Variants in RBFOX1 observed in about 807,000 individuals in gnomAD.
RBFOX1 encodes the protein RNA binding protein fox-1 homolog 1.
A neutral mutation model predicts 57.7 loss-of-function variants in RBFOX1; 8 were observed. The observed-to-expected ratio is 0.14, with a 90% CI of 0.08 to 0.25. The LOEUF (loss-of-function observed/expected upper bound fraction) is 0.25, where lower values mean the gene tolerates loss of function less well. RBFOX1 is among the 10% of genes least tolerant of loss of function. RBFOX1 has a pLI of 1.00. For missense variants in RBFOX1, 611 were observed against 548.5 expected (o/e 1.11, Z -1.14); for synonymous variants, 326 against 222.4 (o/e 1.47, Z -4.15).
chr16:7,611,579 C>CAA lies in RBFOX1; in HGVS notation c.676+4255_676+4256dup, dbSNP rs1042522584. ...GGGTGACAAGAGCAAAACTCTGTCT[C>CAA]AAAAAAAAAAAAAAAGGCAAGTTAT... is the stretch of plus-strand genomic sequence containing the variant. On this transcript the variant is annotated intron_variant, in intron 10 of 15. Coordinates refer to ENST00000550418, the MANE Select transcript of RBFOX1 (RefSeq NM_018723.4). Among the ~76,000 whole-genome samples, 266 of 86,064 alleles carry CAA rather than the reference C, an allele frequency of 3.1e-3. 1 individual carries two copies. The highest frequency in any genetic ancestry group is 4.8e-3 in the Non-Finnish European group (201 of 42,180). The allele number at this position is 86,064 out of a possible 152,430, so 56.5% of individuals were successfully genotyped here.
chr16:6,839,640 C>G (rs1233797401), intron 3 of RBFOX1, among the ~76,000 whole-genome samples: 7 of 152,168 alleles, frequency 4.6e-5, no homozygotes, highest in African/African-American at 1.4e-4. Flanking sequence ...AGCTGTGAGA[C>G]ACACAGCCTG....
At chr16:6,023,557 G>C (rs181468620) in intron 1 of RBFOX1, among the ~76,000 whole-genome samples, 1 of 152,240 alleles carries the variant, frequency 6.6e-6, no homozygotes, top group East Asian at 1.9e-4. Flanking sequence ...CATTCCAAGA[G>C]GGAAATCGTA....
At chr16:6,698,533 C>T (rs1342580734) in intron 3 of RBFOX1, among the ~76,000 whole-genome samples, 14 of 152,150 alleles carry the variant, frequency 9.2e-5, no homozygotes, top group Non-Finnish European at 2.9e-5. Flanking sequence ...TCTTTTGTCT[C>T]TTCAAATTTT....
intron 3 of RBFOX1, among the ~76,000 whole-genome samples, chr16:6,902,359 G>T (rs12918018): frequency 0.31 from 46,637 of 151,812 alleles, 8,789 homozygotes; most frequent in African/African-American, 0.54. Flanking sequence ...ATTTCAAGTT[G>T]GTGAAACAAG....
chr16:5,473,266 C>T (rs961028203), intron 2 of RBFOX1, among the ~76,000 whole-genome samples: 2 of 151,938 alleles, frequency 1.3e-5, no homozygotes, highest in African/African-American at 4.9e-5. Context: ...CTGGGCATGG[C>T]ATATAATGAA....
intron 3 of RBFOX1, among the ~76,000 whole-genome samples, chr16:6,669,478 G>T (rs75620378): frequency 6.6e-6 from 1 of 151,862 alleles, no homozygotes; most frequent in Non-Finnish European, 1.5e-5. Flanking sequence ...TATTTTCTTT[G>T]TTTTTTTCCA....
chr16:6,721,295 T>G (rs1217959788), intron 3 of RBFOX1, among the ~76,000 whole-genome samples: 3 of 151,968 alleles, frequency 2.0e-5, no homozygotes, highest in Non-Finnish European at 4.4e-5. Flanking sequence ...CTACAAAAAT[T>G]AGCTGGGCAT....
At chr16:6,014,130 A>G (rs958267497), upstream of RBFOX1, among the ~76,000 whole-genome samples, 6 of 152,226 alleles carry the variant, frequency 3.9e-5, no homozygotes, top group African/African-American at 1.4e-4. Flanking sequence ...TTAAAAAATA[A>G]AAAGGAAATC....
intron 14 of RBFOX1, among the ~76,000 whole-genome samples, chr16:7,680,924 G>T (rs1237860248): frequency 1.3e-5 from 2 of 151,932 alleles, no homozygotes; most frequent in Non-Finnish European, 2.9e-5. Flanking sequence ...ACACTCACTT[G>T]TGCCTTGGGG....
chr16:7,542,483 A>G (rs1370810581), intron 5 of RBFOX1, among the ~76,000 whole-genome samples: 1 of 152,034 alleles, frequency 6.6e-6, no homozygotes, highest in Non-Finnish European at 1.5e-5. Context: ...AATAAATTTT[A>G]AAAACAGAGA....
intron 1 of RBFOX1, among the ~76,000 whole-genome samples, chr16:5,400,788 AC>A (rs1429979862): frequency 6.6e-6 from 1 of 151,434 alleles, no homozygotes; most frequent in East Asian, 1.9e-4. Context: ...TTTCTTCCCC[AC>A]CCCCAACAGG....
chr16:7,477,937 C>T (rs921918017), intron 4 of RBFOX1, among the ~76,000 whole-genome samples: 2 of 152,128 alleles, frequency 1.3e-5, no homozygotes, highest in African/African-American at 4.8e-5. Flanking sequence ...TTGATCTGAA[C>T]CTTTGCACTC....
rs147285274 is a variant in RBFOX1 at position 6,854,238 on chromosome 16, G to C, written c.-15-197819G>C. On this transcript the variant is annotated intron_variant, in intron 3 of 15. Coordinates refer to ENST00000550418, the MANE Select transcript of RBFOX1 (RefSeq NM_018723.4). ...CTTCACTGAGTTCCATTAACACGGA[G>C]GGACATATACCATTAGCACCATTTC... 2.3e-3 allele frequency among the ~76,000 whole-genome samples: 351 copies of C among 152,200 alleles called. 1 individual carries two copies. Among genetic ancestry groups the C allele is most frequent in the Middle Eastern group, 0.02 (6 of 294 alleles).
Position 7,683,908 on chromosome 16 carries a change from G to A in RBFOX1, c.995+7070G>A, listed in dbSNP as rs561712993. On this transcript the variant is annotated intron_variant, in intron 14 of 15. Transcript: ENST00000550418. ...CAGAAGATAGAATATCTTAGCTCATGCAGCATTTGTGGATGTGGCAATAAA... is the reference window on the plus strand; with the variant it reads ...CAGAAGATAGAATATCTTAGCTCATACAGCATTTGTGGATGTGGCAATAAA... 3.3e-5 allele frequency among the ~76,000 whole-genome samples: 5 copies of A among 152,120 alleles called. 1 individual carries two copies. In the South Asian group the frequency reaches 1.0e-3, roughly 32 times the overall value.
At chr16:5,857,188 TG>T (rs1298825082) in intron 3 of RBFOX1, among the ~76,000 whole-genome samples, 2 of 152,048 alleles carry the variant, frequency 1.3e-5, no homozygotes, top group Non-Finnish European at 2.9e-5. Context: ...GAGGGAAAGA[TG>T]GGGAACAGCT....
At chr16:6,102,109 A>C (rs138987852) in intron 1 of RBFOX1, among the ~76,000 whole-genome samples, 7 of 150,984 alleles carry the variant, frequency 4.6e-5, no homozygotes, top group African/African-American at 1.7e-4. Context: ...TTATAATTCA[A>C]GTATTCTGAA....
chr16:5,727,111 A>G (rs1041156911), intron 3 of RBFOX1, among the ~76,000 whole-genome samples: 1 of 152,092 alleles, frequency 6.6e-6, no homozygotes, highest in Non-Finnish European at 1.5e-5. Flanking sequence ...ATACAAAAAT[A>G]CAAAAATTAG....
intron 1 of RBFOX1, among the ~76,000 whole-genome samples, chr16:5,360,474 A>G (rs1404933027): frequency 6.6e-6 from 1 of 152,194 alleles, no homozygotes; most frequent in African/African-American, 2.4e-5. Context: ...TGCATCACCT[A>G]CATGCACAGG....
At chr16:7,612,088 G>T (rs575813650) in intron 10 of RBFOX1, among the ~76,000 whole-genome samples, 3 of 152,044 alleles carry the variant, frequency 2.0e-5, no homozygotes, top group African/African-American at 7.2e-5. Flanking sequence ...TTGGGAGGCC[G>T]AGGCAGGTGG....
Sources: gnomAD v4.1 joint callset for allele counts (sites outside exome capture counted in the v4.1 genomes callset) on GRCh38, gnomAD v4.1.1 for gene constraint, MANE v1.5 for transcripts, NCBI Gene and HGNC (gene_info 2026-07-23, HGNC 2026-07-21) for gene names.